The following NR3C2 variants were observed in gnomAD, a reference collection of about 807,000 sequenced individuals.
NR3C2 encodes the protein nuclear receptor subfamily 3 group C member 2.
Under a neutral mutation model 86.4 loss-of-function variants are expected in NR3C2, and 15 were observed. The observed-to-expected ratio is 0.17, with a 90% confidence interval of 0.12 to 0.27. NR3C2 has a LOEUF of 0.27. NR3C2 is among the 10% of genes least tolerant of loss of function. NR3C2 has a pLI of 1.00. For synonymous variants in NR3C2, 458 were observed against 450.5 expected (o/e 1.02, Z -0.21); for missense variants, 960 against 1,195.6 (o/e 0.80, Z 2.91).
intron 3 of NR3C2, among the ~76,000 whole-genome samples, chr4:148,218,759 C>A (rs1160134738): frequency 6.6e-6 from 1 of 152,154 alleles, no homozygotes; most frequent in Non-Finnish European, 1.5e-5. Flanking sequence ...TAATTGAAAT[C>A]ATATAATATG....
intron 3 of NR3C2, among the ~76,000 whole-genome samples, chr4:148,220,754 C>T (rs1737795994): frequency 2.0e-5 from 3 of 152,182 alleles, no homozygotes; most frequent in Admixed American, 2.0e-4. Flanking sequence ...CATGATTGTG[C>T]CACTGCACTC....
At chr4:148,334,975 C>T (rs187103182) in intron 2 of NR3C2, among the ~76,000 whole-genome samples, 203 of 152,272 alleles carry the variant, frequency 1.3e-3, no homozygotes, top group African/African-American at 4.5e-3. Context: ...ATGACATTCT[C>T]GCTCCGTGGG....
At chr4:148,272,566 A>G (rs1740742079) in intron 2 of NR3C2, among the ~76,000 whole-genome samples, 1 of 152,196 alleles carries the variant, frequency 6.6e-6, no homozygotes, top group African/African-American at 2.4e-5. Flanking sequence ...AAATAAAAAG[A>G]CATCCATATT....
intron 2 of NR3C2, among the ~76,000 whole-genome samples, chr4:148,422,124 G>GTA (rs1200725296): frequency 6.6e-6 from 1 of 152,004 alleles, no homozygotes; most frequent in Admixed American, 6.6e-5. Flanking sequence ...CTAAAAAACA[G>GTA]TACTTAAGAG....
intron 2 of NR3C2, among the ~76,000 whole-genome samples, chr4:148,317,800 A>G (rs1051622881): frequency 7.7e-4 from 95 of 124,086 alleles, no homozygotes; most frequent in African/African-American, 3.9e-3. Context: ...AATTAAGTCT[A>G]TCTCATTTTT....
intron 3 of NR3C2, among the ~76,000 whole-genome samples, chr4:148,213,837 T>C (rs1737399395): frequency 6.6e-6 from 1 of 152,234 alleles, no homozygotes; most frequent in Non-Finnish European, 1.5e-5. Context: ...TAGCTGTCTA[T>C]GGAATACTTT....
At chr4:148,231,684 T>A (rs753651827) in intron 3 of NR3C2, among the ~76,000 whole-genome samples, 1 of 152,246 alleles carries the variant, frequency 6.6e-6, no homozygotes, top group South Asian at 2.1e-4. Flanking sequence ...AAGACAACAA[T>A]GAAGTTTGCT....
intron 4 of NR3C2, among the ~76,000 whole-genome samples, chr4:148,161,294 C>A (rs1415663149): frequency 6.6e-6 from 1 of 152,102 alleles, no homozygotes; most frequent in Non-Finnish European, 1.5e-5. Flanking sequence ...AAGGCAAACA[C>A]AAACCCAACC....
At chr4:148,315,436 ACTCT>A (rs1743122300) in intron 2 of NR3C2, among the ~76,000 whole-genome samples, 1 of 151,782 alleles carries the variant, frequency 6.6e-6, no homozygotes, top group Non-Finnish European at 1.5e-5. Context: ...TGAACCCCTC[ACTCT>A]CTGTCTAACC....
chr4:148,316,790 G>T (rs1016990241), intron 2 of NR3C2, among the ~76,000 whole-genome samples: 40 of 151,730 alleles, frequency 2.6e-4, no homozygotes, highest in East Asian at 1.9e-4. Flanking sequence ...TTTCTTTTTT[G>T]TTGTTGTTGT....
At chr4:148,255,137 G>A (rs1739769681) in intron 3 of NR3C2, among the ~76,000 whole-genome samples, 1 of 152,002 alleles carries the variant, frequency 6.6e-6, no homozygotes, top group African/African-American at 2.4e-5. Context: ...TTGCTCATGA[G>A]TGTGTGCACA....
intron 4 of NR3C2, among the ~76,000 whole-genome samples, chr4:148,157,160 TG>T: frequency 1.8e-5 from 1 of 54,514 alleles, no homozygotes; most frequent in African/African-American, 7.9e-5. Flanking sequence ...TGTTGTGGGG[TG>T]GGGGGAGGGG....
intron 2 of NR3C2, among the ~76,000 whole-genome samples, chr4:148,279,641 C>T (rs1741136361): frequency 6.6e-6 from 1 of 152,102 alleles, no homozygotes; most frequent in Non-Finnish European, 1.5e-5. Context: ...ACTTATTATC[C>T]TTGAGGTAGG....
chr4:148,418,301 G>A (rs1749109782), intron 2 of NR3C2, among the ~76,000 whole-genome samples: 1 of 152,042 alleles, frequency 6.6e-6, no homozygotes, highest in South Asian at 2.1e-4. Flanking sequence ...CAAAACTTGT[G>A]CTATTTGCTT....
At chr4:148,262,250 A>G (rs1452119592) in intron 2 of NR3C2, among the ~76,000 whole-genome samples, 1 of 151,844 alleles carries the variant, frequency 6.6e-6, no homozygotes, top group Non-Finnish European at 1.5e-5. Context: ...TGATCCCAGT[A>G]CTATTTTATT....
chr4:148,310,994 TCGC>T (rs536074930), intron 2 of NR3C2, among the ~76,000 whole-genome samples: 85 of 152,318 alleles, frequency 5.6e-4, no homozygotes, highest in African/African-American at 2.0e-3. Context: ...CTCTCAGTTC[TCGC>T]CTTATCTGAC....
At chr4:148,316,262 T>C (rs1003571760) in intron 2 of NR3C2, among the ~76,000 whole-genome samples, 3 of 152,172 alleles carry the variant, frequency 2.0e-5, no homozygotes, top group African/African-American at 4.8e-5. Context: ...ATAGTGGTCA[T>C]CTGTGGTATA....
intron 1 of NR3C2, among the ~76,000 whole-genome samples, chr4:148,438,997 C>A (rs1750207385): frequency 6.6e-6 from 1 of 152,068 alleles, no homozygotes; most frequent in African/African-American, 2.4e-5. Flanking sequence ...AAATCAATCA[C>A]AAAACAGTAG....
At chr4:148,319,108 T>G (rs981517521) in intron 2 of NR3C2, among the ~76,000 whole-genome samples, 3 of 151,866 alleles carry the variant, frequency 2.0e-5, no homozygotes, top group East Asian at 3.9e-4. Flanking sequence ...TAGCCAGTTT[T>G]CCCAGCACCA....
Sources: gnomAD v4.1 joint callset for allele counts (sites outside exome capture counted in the v4.1 genomes callset) on GRCh38, gnomAD v4.1.1 for gene constraint, MANE v1.5 for transcripts, NCBI Gene and HGNC (gene_info 2026-07-23, HGNC 2026-07-21) for gene names.